Variants in ITGB8 observed in about 807,000 individuals in gnomAD.
ITGB8 encodes the protein integrin beta-8.
ITGB8 carries 30 observed loss-of-function variants against 89.5 expected under a neutral mutation model. That is an observed-to-expected ratio of 0.34 (90% CI 0.25 to 0.45). The LOEUF (loss-of-function observed/expected upper bound fraction) is 0.45, where lower values mean the gene tolerates loss of function less well. Ranked by LOEUF, ITGB8 falls within the 20% of genes least tolerant of loss-of-function variation. The pLI is 1.00. For synonymous variants in ITGB8, 335 were observed against 320.4 expected (o/e 1.05, Z -0.49); for missense variants, 836 against 933.3 (o/e 0.90, Z 1.36).
At chr7:20,348,972 A>T (rs1455425788) in intron 1 of ITGB8, among the ~76,000 whole-genome samples, 1 of 152,226 alleles carries the variant, frequency 6.6e-6, no homozygotes, top group Non-Finnish European at 1.5e-5. Context: ...GGCAATATGG[A>T]CTATAGTTCA....
chr7:20,397,702 C>G (rs1787144503), intron 8 of ITGB8, among the ~76,000 whole-genome samples: 1 of 152,160 alleles, frequency 6.6e-6, no homozygotes, highest in African/African-American at 2.4e-5. Context: ...TATGAGCTCT[C>G]TGGAAGACAT....
Position 20,378,578 on chromosome 7 carries a change from T to G in ITGB8, c.389-473T>G. On this transcript the variant is annotated intron_variant, in intron 3 of 13. Coordinates refer to ENST00000222573, the MANE Select transcript of ITGB8 (RefSeq NM_002214.3). ...TACACTTTAACCCAAAGGAATAAAT[T>G]TATGCCTTTATCCAATAGGAGATCA... Among the ~76,000 whole-genome samples, 2 of 152,224 alleles carry G rather than the reference T, an allele frequency of 1.3e-5. 1 individual carries two copies. Among genetic ancestry groups the G allele is most frequent in the African/African-American group, 4.8e-5 (2 of 41,454 alleles).
At chr7:20,396,771 A>C (rs142834650) in intron 8 of ITGB8, among the ~76,000 whole-genome samples, 1 of 152,216 alleles carries the variant, frequency 6.6e-6, no homozygotes, top group African/African-American at 2.4e-5. Context: ...AAAGTATATA[A>C]ATTTACAGAT....
intron 9 of ITGB8, 62 bp downstream of exon 9, chr7:20,399,056 A>G: frequency 1.3e-6 from 2 of 1,535,312 alleles, no homozygotes; most frequent in Non-Finnish European, 1.8e-6. Context: ...ACTTTCTTAC[A>G]GAAAAAGCAA....
intron 1 of ITGB8, among the ~76,000 whole-genome samples, chr7:20,359,782 T>C (rs1277049146): frequency 6.6e-6 from 1 of 152,208 alleles, no homozygotes; most frequent in Non-Finnish European, 1.5e-5. Context: ...TAATTGTTGA[T>C]ATTGGTATAT....
intron 1 of ITGB8, among the ~76,000 whole-genome samples, chr7:20,336,942 T>G (rs1269197364): frequency 1.3e-5 from 2 of 152,214 alleles, no homozygotes; most frequent in African/African-American, 4.8e-5. Flanking sequence ...TCACTAGAAT[T>G]TGAACTTAGA....
At chr7:20,361,320 A>G (rs1785496499) in intron 1 of ITGB8, among the ~76,000 whole-genome samples, 1 of 152,238 alleles carries the variant, frequency 6.6e-6, no homozygotes, top group Non-Finnish European at 1.5e-5. Flanking sequence ...CGAAAGTCAA[A>G]TTAGGTCTGT....
At position 20,367,428 on chromosome 7, in the gene ITGB8, C is replaced by T. The variant is rs145696744; in HGVS notation, c.388+242C>T. Among the ~76,000 whole-genome samples, 7 of 152,254 alleles carry T rather than the reference C, an allele frequency of 4.6e-5. No homozygotes were observed. In the East Asian group the frequency reaches 1.4e-3, roughly 29 times the overall value. On this transcript the variant is annotated intron_variant, in intron 3 of 13. Transcript: ENST00000222573. ...ATGTGTTCTGTTCACATAATCTGATCAGGTTGTGATGTAATTGTGTTTTTC... is the reference window on the plus strand; with the variant it reads ...ATGTGTTCTGTTCACATAATCTGATTAGGTTGTGATGTAATTGTGTTTTTC...
intron 4 of ITGB8, chr7:20,380,428 A>G (rs1786330467): frequency 4.6e-6 from 2 of 436,418 alleles, no homozygotes; most frequent in African/African-American, 4.1e-5. Context: ...AAACATGTTT[A>G]ATCATCTTTA....
At chr7:20,379,754 G>A (rs1355543063) in intron 4 of ITGB8, 1 of 152,128 alleles carries the variant, frequency 6.6e-6, no homozygotes, top group African/African-American at 2.4e-5. Context: ...TAATGATGTT[G>A]TCTCCGATGT....
chr7:20,334,106 C>T (rs924931835), intron 1 of ITGB8, among the ~76,000 whole-genome samples: 11 of 152,048 alleles, frequency 7.2e-5, no homozygotes, highest in African/African-American at 2.7e-4. Flanking sequence ...TTATAGGTCT[C>T]GAACATATAG....
At chr7:20,361,124 A>G (rs1458575491) in intron 1 of ITGB8, among the ~76,000 whole-genome samples, 1 of 151,510 alleles carries the variant, frequency 6.6e-6, no homozygotes, top group Non-Finnish European at 1.5e-5. Context: ...GCTTTTTTTC[A>G]TATGTTTATT....
At chr7:20,339,957 G>C (rs1380579566) in intron 1 of ITGB8, among the ~76,000 whole-genome samples, 1 of 152,234 alleles carries the variant, frequency 6.6e-6, no homozygotes. Context: ...GAACCCGGGA[G>C]GCGGAGGTTG....
At position 20,367,001 on chromosome 7, in the gene ITGB8, C is replaced by A; in HGVS notation, c.214-11C>A. ...ACTAAAAACATCAGTGATTTTCTTT[C>A]TTTTAAACAGGATTTCATTTCAGGT... On this transcript the variant is annotated splice_polypyrimidine_tract_variant and intron_variant, in intron 2 of 13. Transcript: ENST00000222573. 6.3e-7 allele frequency: 1 copy of A among 1,594,476 alleles called. No homozygotes were observed. Among genetic ancestry groups the A allele is most frequent in the Non-Finnish European group, 8.5e-7 (1 of 1,170,188 alleles).
chr7:20,395,332 A>C (rs1353733756), intron 8 of ITGB8, among the ~76,000 whole-genome samples: 1 of 152,234 alleles, frequency 6.6e-6, no homozygotes, highest in Non-Finnish European at 1.5e-5. Context: ...CGTAATGATA[A>C]AGTAGAAGTC....
intron 1 of ITGB8, among the ~76,000 whole-genome samples, chr7:20,362,309 A>ACCATGT (rs959087733): frequency 6.6e-6 from 1 of 152,182 alleles, no homozygotes; most frequent in Non-Finnish European, 1.5e-5. Flanking sequence ...CTTTAAAATT[A>ACCATGT]CCATGTCCAT....
intron 12 of ITGB8, among the ~76,000 whole-genome samples, chr7:20,407,809 G>A (rs112388430): frequency 3.4e-4 from 51 of 152,214 alleles, no homozygotes; most frequent in African/African-American, 1.1e-3. Flanking sequence ...GAAAAGCCCC[G>A]GCCTGACCTA....
At chr7:20,406,834 C>G (rs1349233374) in intron 12 of ITGB8, among the ~76,000 whole-genome samples, 1 of 152,128 alleles carries the variant, frequency 6.6e-6, no homozygotes, top group East Asian at 1.9e-4. Flanking sequence ...ACTAAAAGTT[C>G]CATACACTTT....
chr7:20,344,539 T>G (rs1352619410), intron 1 of ITGB8, among the ~76,000 whole-genome samples: 1 of 152,206 alleles, frequency 6.6e-6, no homozygotes, highest in Non-Finnish European at 1.5e-5. Context: ...AACAGAAGTG[T>G]CAGTATTAAT....
Sources: gnomAD v4.1 joint callset for allele counts (sites outside exome capture counted in the v4.1 genomes callset) on GRCh38, gnomAD v4.1.1 for gene constraint, MANE v1.5 for transcripts, NCBI Gene and HGNC (gene_info 2026-07-23, HGNC 2026-07-21) for gene names.